MAGOH: variants seen among roughly 807,000 people sequenced by gnomAD.
MAGOH encodes protein mago nashi homolog.
MAGOH carries 3 observed loss-of-function variants against 20.9 expected under a neutral mutation model. The ratio of observed to expected loss-of-function variants is 0.14; its 90% CI spans 0.07 to 0.37. MAGOH has a LOEUF of 0.37. MAGOH is among the 10% of genes least tolerant of loss of function. The pLI, the probability that MAGOH is intolerant of heterozygous loss-of-function variation, is 1.00. For synonymous variants in MAGOH, 51 were observed against 61.0 expected (o/e 0.84, Z 0.76); for missense variants, 66 against 178.1 (o/e 0.37, Z 3.58).
chr1:53,235,514 A>T, intron 2 of MAGOH, 63 bp downstream of exon 2: 1 of 1,386,578 alleles, frequency 7.2e-7, no homozygotes, highest in Non-Finnish European at 1.0e-6. Context: ...CAATAAAAAC[A>T]ATGCAAGACA....
At chr1:53,234,143 A>AC (rs1442972413) in intron 2 of MAGOH, among the ~76,000 whole-genome samples, 1 of 152,136 alleles carries the variant, frequency 6.6e-6, no homozygotes, top group African/African-American at 2.4e-5. Context: ...TTGTTCTTTC[A>AC]CCATATGAGG....
chr1:53,237,915 C>T (rs1015377866), intron 1 of MAGOH, among the ~76,000 whole-genome samples: 4 of 152,116 alleles, frequency 2.6e-5, no homozygotes, highest in African/African-American at 9.7e-5. Context: ...AGGCTGAGCC[C>T]TTCTTGTTAA....
intron 3 of MAGOH, among the ~76,000 whole-genome samples, chr1:53,231,871 C>T (rs538396902): frequency 1.8e-4 from 27 of 152,204 alleles, no homozygotes; most frequent in Non-Finnish European, 2.8e-4. Context: ...AAACTGACAT[C>T]TTTATGATAC....
At chr1:53,232,245 T>G (rs1424080508) in intron 3 of MAGOH, among the ~76,000 whole-genome samples, 2 of 152,202 alleles carry the variant, frequency 1.3e-5, no homozygotes, top group Non-Finnish European at 2.9e-5. Flanking sequence ...GTCCATCATT[T>G]TGAGATTATT....
rs567526813 is a variant in MAGOH at position 53,236,766 on chromosome 1, G to T, written c.89-1131C>A. On this transcript the variant is annotated intron_variant, in intron 1 of 4. Coordinates refer to ENST00000371470, the MANE Select transcript of MAGOH (RefSeq NM_002370.4). The stretch of plus-strand genomic sequence containing the variant: ...TCTATCTCCCTCACAGTCGAGGCCT[G>T]TCAGATTCATCTTTGTGCCCCACTT... Among the ~76,000 whole-genome samples the T allele has an allele frequency of 2.6e-5, 4 of 152,240 alleles. No individual in the cohort carries two copies. In the South Asian group the frequency reaches 8.3e-4, roughly 32 times the overall value.
At chr1:53,232,441 C>T (rs1040651494) in intron 3 of MAGOH, among the ~76,000 whole-genome samples, 1 of 150,964 alleles carries the variant, frequency 6.6e-6, no homozygotes, top group Non-Finnish European at 1.5e-5. Context: ...AAACTGAAAG[C>T]AAAAAGAAAA....
intron 1 of MAGOH, 95 bp from the exon 2 acceptor site, chr1:53,235,730 C>T: frequency 1.1e-6 from 1 of 884,024 alleles, no homozygotes. Context: ...CAAAATGTAT[C>T]TAACTTGCTA....
intron 4 of MAGOH, among the ~76,000 whole-genome samples, chr1:53,228,220 A>G (rs1645569880): frequency 6.6e-6 from 1 of 152,112 alleles, no homozygotes; most frequent in Non-Finnish European, 1.5e-5. Context: ...TCATGAGGTC[A>G]GGAGTTCAAG....
At position 53,238,329 on chromosome 1, in the gene MAGOH, C is replaced by T. The variant is rs764901819; in HGVS notation, c.88+32G>A. ...CACTCGCCGGCCCCCAGGCCTGGTCCCCGCTCCCGGCGGGCGGCAGGCTGC... is the reference window on the plus strand; with the variant it reads ...CACTCGCCGGCCCCCAGGCCTGGTCTCCGCTCCCGGCGGGCGGCAGGCTGC... On this transcript the variant is annotated intron_variant, in intron 1 of 4. Transcript: ENST00000371470. 4.3e-6 allele frequency: 7 copies of T among 1,611,302 alleles called. No individual in the cohort carries two copies. In the African/African-American group the frequency reaches 5.3e-5, roughly 12 times the overall value.
intron 3 of MAGOH, among the ~76,000 whole-genome samples, chr1:53,231,935 T>G (rs1645588420): frequency 6.6e-6 from 1 of 152,206 alleles, no homozygotes; most frequent in Non-Finnish European, 1.5e-5. Context: ...TATAAAGCCC[T>G]TTCAAGTTTT....
In MAGOH at chr1:53,233,721, G is replaced by A. The variant is rs1420576887; in HGVS notation, c.148-69C>T. On this transcript the variant is annotated intron_variant, in intron 2 of 4. Transcript: ENST00000371470. Reference sequence around the variant, plus strand: ...CAGTGCTTTGACTCAGATAGTGATGGAAGATAAAAATAACTGTTCCTGCAG... The same window carrying A: ...CAGTGCTTTGACTCAGATAGTGATGAAAGATAAAAATAACTGTTCCTGCAG... 3.0e-6 allele frequency: 3 copies of A among 988,732 alleles called. No homozygotes were observed. In the African/African-American group the frequency reaches 4.8e-5, roughly 16 times the overall value. 61.2% of individuals were successfully genotyped at this position (988,732 alleles called of 1,614,324 possible). A position where few individuals can be genotyped will look rare whatever the true frequency, so the allele number is the denominator to read the frequency against.
At chr1:53,232,832 G>A (rs894289181) in intron 3 of MAGOH, among the ~76,000 whole-genome samples, 12 of 152,192 alleles carry the variant, frequency 7.9e-5, no homozygotes, top group Admixed American at 2.6e-4. Context: ...AGGATGCGGC[G>A]GCTTACGCCT....
intron 1 of MAGOH, among the ~76,000 whole-genome samples, chr1:53,237,817 C>T (rs1043645003): frequency 6.6e-6 from 1 of 152,130 alleles, no homozygotes; most frequent in Non-Finnish European, 1.5e-5. Context: ...ACACTGACCA[C>T]CTGAGACACG....
At chr1:53,228,818 T>C in intron 4 of MAGOH, 54 bp downstream of exon 4, 1 of 1,371,428 alleles carries the variant, frequency 7.3e-7, no homozygotes. Flanking sequence ...TAAGGTTTCT[T>C]ATCAATCTGC....
intron 1 of MAGOH, among the ~76,000 whole-genome samples, 196 bp downstream of exon 1, chr1:53,238,165 G>A: frequency 6.6e-6 from 1 of 152,184 alleles, no homozygotes; most frequent in South Asian, 2.1e-4. Context: ...GCACACAGTG[G>A]GCGTTCAGTC....
In MAGOH at chr1:53,235,453, T is replaced by C. The variant is rs1023459392; in HGVS notation, c.147+124A>G. 3.8e-6 allele frequency: 3 copies of C among 795,406 alleles called. No homozygotes were observed. The African/African-American group carries it at 5.3e-5, about 14-fold the overall frequency. The allele number at this position is 795,406 out of a possible 1,614,324, so 49.3% of individuals were successfully genotyped here. A position where few individuals can be genotyped will look rare whatever the true frequency, so the allele number is the denominator to read the frequency against. ...TTTGGGAAATAATCCAGAAGCTGTC[T>C]ACAGACATGTGTCTCTCTCCCTGTT... On this transcript the variant is annotated intron_variant, in intron 2 of 4. Transcript: ENST00000371470.
intron 1 of MAGOH, among the ~76,000 whole-genome samples, chr1:53,236,163 T>TGAGGAGAAGACAGAAGG (rs962699435): frequency 1.3e-5 from 2 of 152,196 alleles, no homozygotes; most frequent in African/African-American, 4.8e-5. Context: ...ATGGTGGGGA[T>TGAGGAGAAGACAGAAGG]GAGGAGAAGA....
intron 3 of MAGOH, among the ~76,000 whole-genome samples, chr1:53,229,407 A>G (rs557041262): frequency 6.9e-4 from 105 of 152,098 alleles, no homozygotes; most frequent in African/African-American, 2.4e-3. Flanking sequence ...TCACCGTGTT[A>G]GCCAGGATGG....
chr1:53,234,576 G>A (rs780244384), intron 2 of MAGOH, among the ~76,000 whole-genome samples: 4 of 151,800 alleles, frequency 2.6e-5, no homozygotes, highest in African/African-American at 7.3e-5. Context: ...GGGCTTCACC[G>A]TATTAGCCAG....
Sources: gnomAD v4.1 joint callset for allele counts (sites outside exome capture counted in the v4.1 genomes callset) on GRCh38, gnomAD v4.1.1 for gene constraint, MANE v1.5 for transcripts, NCBI Gene and HGNC (gene_info 2026-07-23, HGNC 2026-07-21) for gene names.